Variants in GLCCI1 observed in about 807,000 individuals in gnomAD.
GLCCI1 encodes the protein glucocorticoid induced 1, also known as glucocorticoid-induced transcript 1 protein.
A neutral mutation model predicts 52.2 loss-of-function variants in GLCCI1; 24 were observed. The ratio of observed to expected loss-of-function variants is 0.46; its 90% confidence interval spans 0.33 to 0.65. GLCCI1 has a LOEUF of 0.65. Ranked by LOEUF, GLCCI1 falls within the 30% of genes least tolerant of loss-of-function variation. The pLI, the probability that GLCCI1 is intolerant of heterozygous loss-of-function variation, is 0.02. For synonymous variants in GLCCI1, 310 were observed against 276.5 expected (o/e 1.12, Z -1.20); for missense variants, 704 against 701.5 (o/e 1.00, Z -0.04).
At chr7:8,078,188 G>A (rs189204179) in intron 6 of GLCCI1, among the ~76,000 whole-genome samples, 267 of 129,626 alleles carry the variant, frequency 2.1e-3, no homozygotes, top group African/African-American at 7.6e-3. Context: ...CAGCCTGGGC[G>A]ACAGTGCGAG....
At chr7:8,023,588 C>CT (rs571726894) in intron 3 of GLCCI1, among the ~76,000 whole-genome samples, 5,951 of 41,706 alleles carry the variant, frequency 0.14, 1,990 homozygotes, top group African/African-American at 0.22. Flanking sequence ...CTCTGTTATT[C>CT]TTTTTTTTTT....
intron 3 of GLCCI1, among the ~76,000 whole-genome samples, chr7:8,054,913 T>C (rs1036396330): frequency 2.6e-5 from 4 of 151,696 alleles, no homozygotes; most frequent in Admixed American, 2.0e-4. Flanking sequence ...GAGTAATATA[T>C]ATAGTAATAT....
chr7:7,987,023 G>T (rs1780750888), intron 1 of GLCCI1, among the ~76,000 whole-genome samples: 1 of 152,000 alleles, frequency 6.6e-6, no homozygotes, highest in East Asian at 1.9e-4. Context: ...CATGCCAGTT[G>T]TCTTGCATCT....
At position 7,969,835 on chromosome 7, in the gene GLCCI1, C is replaced by G; in HGVS notation, c.457+28C>G. 1 of 1,397,710 alleles carries G rather than the reference C, an allele frequency of 7.2e-7. No homozygotes were observed. Among genetic ancestry groups the G allele is most frequent in the Non-Finnish European group, 9.3e-7 (1 of 1,071,490 alleles). 86.6% of individuals were successfully genotyped at this position (1,397,710 alleles called of 1,614,324 possible). A position where few individuals can be genotyped will look rare whatever the true frequency, so the allele number is the denominator to read the frequency against. ...AGCGAGCCCAACCCTCCCGTCCTCCCGGGCTGCGTCTCCCCGACGGTGCCC... is the reference window on the plus strand; with the variant it reads ...AGCGAGCCCAACCCTCCCGTCCTCCGGGGCTGCGTCTCCCCGACGGTGCCC... On this transcript the variant is annotated intron_variant, in intron 1 of 7. Transcript: ENST00000223145. The surrounding 1 kb of genome is among the most constrained non-coding windows in gnomAD (Gnocchi z 4.9).
intron 1 of GLCCI1, among the ~76,000 whole-genome samples, chr7:7,984,532 T>G (rs75326223): frequency 0.014 from 2,170 of 152,350 alleles, 40 homozygotes; most frequent in East Asian, 0.04. Flanking sequence ...GTAAAAACTT[T>G]AAACTGTAAA....
At chr7:8,085,799 G>A (rs1261417920) in intron 7 of GLCCI1, among the ~76,000 whole-genome samples, 1 of 152,172 alleles carries the variant, frequency 6.6e-6, no homozygotes. Flanking sequence ...GAAAAAAGGA[G>A]AAAGTGTTTA....
intron 6 of GLCCI1, among the ~76,000 whole-genome samples, chr7:8,077,857 G>A (rs763501196): frequency 3.3e-5 from 5 of 152,184 alleles, no homozygotes; most frequent in Non-Finnish European, 7.3e-5. Flanking sequence ...GGCCCGGTGT[G>A]TACAGAACAG....
intron 3 of GLCCI1, among the ~76,000 whole-genome samples, chr7:8,037,580 C>T (rs1172817376): frequency 6.6e-6 from 1 of 152,068 alleles, no homozygotes; most frequent in Non-Finnish European, 1.5e-5. Flanking sequence ...GTTAAATGCT[C>T]CACTTAAAAG....
At chr7:8,053,315 G>GT (rs71014751) in intron 3 of GLCCI1, among the ~76,000 whole-genome samples, 1,453 of 129,962 alleles carry the variant, frequency 0.011, 29 homozygotes, top group East Asian at 0.094. Flanking sequence ...TTTTGTTTTC[G>GT]TTTTTTTTTT....
At chr7:8,062,599 C>T (rs1782544107) in intron 5 of GLCCI1, among the ~76,000 whole-genome samples, 1 of 152,280 alleles carries the variant, frequency 6.6e-6, no homozygotes, top group East Asian at 1.9e-4. Flanking sequence ...GGTAGTTTTT[C>T]AATCCTCACC....
chr7:7,978,823 T>A (rs987542257), intron 1 of GLCCI1, among the ~76,000 whole-genome samples: 1 of 152,170 alleles, frequency 6.6e-6, no homozygotes, highest in Admixed American at 6.5e-5. Flanking sequence ...AGTCTAGCCA[T>A]ATGGAAACTT....
intron 3 of GLCCI1, among the ~76,000 whole-genome samples, chr7:8,037,516 CATT>C (rs1490938568): frequency 1.3e-5 from 2 of 152,136 alleles, no homozygotes; most frequent in African/African-American, 4.8e-5. Context: ...GGTAAGTTAA[CATT>C]ATGATAGGAA....
intron 6 of GLCCI1, among the ~76,000 whole-genome samples, chr7:8,073,569 C>T (rs902763193): frequency 6.6e-6 from 1 of 151,876 alleles, no homozygotes; most frequent in South Asian, 2.1e-4. Context: ...AGGTTTTTTT[C>T]CTAATAGTTA....
intron 1 of GLCCI1, among the ~76,000 whole-genome samples, chr7:7,994,999 G>A (rs1780912197): frequency 6.6e-6 from 1 of 152,216 alleles, no homozygotes; most frequent in Non-Finnish European, 1.5e-5. Flanking sequence ...CAAATAGGGA[G>A]AGCATGTGAG....
chr7:7,981,010 G>C (rs151261452), intron 1 of GLCCI1: 2 of 507,014 alleles, frequency 3.9e-6, no homozygotes, highest in African/African-American at 4.0e-5. Context: ...AAGGTCAGCC[G>C]AAGAAGTAGA....
At chr7:7,987,366 T>C (rs1780755944) in intron 1 of GLCCI1, among the ~76,000 whole-genome samples, 1 of 152,214 alleles carries the variant, frequency 6.6e-6, no homozygotes, top group Non-Finnish European at 1.5e-5. Context: ...AAGTGTGGCT[T>C]TCTTTGAATA....
At chr7:8,057,782 G>A (rs1043929161) in intron 4 of GLCCI1, among the ~76,000 whole-genome samples, 1 of 151,892 alleles carries the variant, frequency 6.6e-6, no homozygotes, top group African/African-American at 2.4e-5. Context: ...TTTTCTCTAG[G>A]AGTCCAGTGC....
chr7:8,058,295 G>A (rs941737251), intron 4 of GLCCI1, among the ~76,000 whole-genome samples: 3 of 151,998 alleles, frequency 2.0e-5, no homozygotes, highest in Non-Finnish European at 4.4e-5. Flanking sequence ...TTAATAGATG[G>A]GAAGATTCAG....
intron 6 of GLCCI1, among the ~76,000 whole-genome samples, chr7:8,078,223 A>AG (rs1377418212): frequency 6.6e-6 from 1 of 151,288 alleles, no homozygotes; most frequent in Non-Finnish European, 1.5e-5. Flanking sequence ...AAAAAAAAAA[A>AG]AAAAAAAGGC....
Sources: gnomAD v4.1 joint callset for allele counts (sites outside exome capture counted in the v4.1 genomes callset) on GRCh38, gnomAD v4.1.1 for gene constraint, Gnocchi (gnomAD v3.1) non-coding constraint, MANE v1.5 for transcripts, NCBI Gene and HGNC (gene_info 2026-07-23, HGNC 2026-07-21) for gene names.